SCN2A: variants seen among roughly 807,000 people sequenced by gnomAD.
SCN2A encodes sodium voltage-gated channel alpha subunit 2.
In SCN2A, 20 loss-of-function variants were observed where a neutral mutation model predicts 188.7. That is an observed-to-expected ratio of 0.11 (90% confidence interval 0.07 to 0.15). SCN2A has a LOEUF of 0.15. Ranked by LOEUF, SCN2A falls within the 10% of genes least tolerant of loss-of-function variation. The probability of loss-of-function intolerance (pLI) is 1.00; values close to 1 mark genes in which losing one functional copy is unlikely to be tolerated. For synonymous variants in SCN2A, 804 were observed against 833.1 expected, an observed-to-expected ratio of 0.97 and a Z score of 0.60; for missense variants, 1,278 against 2,445.0, an observed-to-expected ratio of 0.52 and a Z score of 10.07.
At chr2:165,354,783 C>A in intron 17 of SCN2A, 112 bp downstream of exon 17, 3 of 1,051,136 alleles carry the variant, frequency 2.9e-6, no homozygotes, top group Non-Finnish European at 4.2e-6. Context: ...TAGAAAATAT[C>A]TGTCTAGCAA....
At chr2:165,334,870 TACAC>T (rs143838903) in intron 14 of SCN2A, among the ~76,000 whole-genome samples, 1 of 148,408 alleles carries the variant, frequency 6.7e-6, no homozygotes, top group South Asian at 2.1e-4. Context: ...TCCTATAAAA[TACAC>T]ACACACACAC....
At chr2:165,241,379 G>A (rs1054281832) in intron 1 of SCN2A, among the ~76,000 whole-genome samples, 1 of 152,034 alleles carries the variant, frequency 6.6e-6, no homozygotes, top group African/African-American at 2.4e-5. Context: ...GATGTGGATG[G>A]CCACATGGCT....
chr2:165,243,805 TGAAGAAGGCACA>T (rs1214351058), intron 1 of SCN2A: 1 of 152,088 alleles, frequency 6.6e-6, no homozygotes, highest in Non-Finnish European at 1.5e-5. Context: ...TGGAAAGACT[TGAAGAAGGCACA>T]GGCGTTGGTG....
At chr2:165,364,215 G>C (rs1047804186) in intron 17 of SCN2A, among the ~76,000 whole-genome samples, 22 of 151,978 alleles carry the variant, frequency 1.4e-4, no homozygotes, top group Admixed American at 5.9e-4. Flanking sequence ...TAACAGGTCC[G>C]AGAATGCTGT....
At chr2:165,252,589 T>C (rs1051791800) in intron 1 of SCN2A, among the ~76,000 whole-genome samples, 22 of 151,808 alleles carry the variant, frequency 1.4e-4, no homozygotes, top group African/African-American at 5.3e-4. Flanking sequence ...TGGGAAATTC[T>C]TGCTGATTTT....
At chr2:165,361,271 A>C (rs1385426386) in intron 17 of SCN2A, among the ~76,000 whole-genome samples, 1 of 152,128 alleles carries the variant, frequency 6.6e-6, no homozygotes, top group South Asian at 2.1e-4. Flanking sequence ...TCTACATTAA[A>C]ATATGTTAAC....
At chr2:165,335,045 TAATAA>T (rs1698911610) in intron 14 of SCN2A, among the ~76,000 whole-genome samples, 2 of 151,712 alleles carry the variant, frequency 1.3e-5, no homozygotes, top group South Asian at 4.1e-4. Flanking sequence ...GGAATAAATT[TAATAA>T]AATAAGTGTG....
intron 2 of SCN2A, chr2:165,296,463 A>C: frequency 3.8e-6 from 1 of 261,076 alleles, no homozygotes; most frequent in Non-Finnish European, 7.5e-6. Context: ...TTTATTTTTT[A>C]TATTTGCAGG....
chr2:165,250,951 A>C (rs1694063561), intron 1 of SCN2A, among the ~76,000 whole-genome samples: 1 of 152,122 alleles, frequency 6.6e-6, no homozygotes, highest in Non-Finnish European at 1.5e-5. Flanking sequence ...AAATCTGCTT[A>C]TTATTAAAGA....
intron 14 of SCN2A, among the ~76,000 whole-genome samples, chr2:165,339,223 T>G (rs1320874143): frequency 7.6e-6 from 1 of 132,026 alleles, no homozygotes; most frequent in African/African-American, 3.0e-5. Context: ...AGTGAAACTC[T>G]GTCTCAAAAA....
intron 14 of SCN2A, among the ~76,000 whole-genome samples, chr2:165,338,946 C>T (rs576751380): frequency 6.6e-6 from 1 of 152,254 alleles, no homozygotes; most frequent in South Asian, 2.1e-4. Flanking sequence ...TCTAGCCGGG[C>T]GTGGAGGCTC....
intron 16 of SCN2A, 145 bp downstream of exon 16, chr2:165,345,056 GT>G: frequency 9.8e-7 from 1 of 1,022,542 alleles, no homozygotes. Flanking sequence ...GCCATGTATA[GT>G]TTAGACCATT....
chr2:165,379,107 C>T (rs140602250), intron 23 of SCN2A, among the ~76,000 whole-genome samples: 188 of 151,860 alleles, frequency 1.2e-3, no homozygotes, highest in African/African-American at 3.4e-3. Context: ...CTTTGAACAA[C>T]GTATCCTAAA....
At chr2:165,323,625 A>G (rs1283034724) in intron 12 of SCN2A, 125 bp downstream of exon 12, 5 of 890,880 alleles carry the variant, frequency 5.6e-6, no homozygotes, top group South Asian at 4.5e-5. Flanking sequence ...AGTTTGTTCA[A>G]TCAAGCTGTT....
In SCN2A at chr2:165,386,751, A is replaced by G. The variant is rs1574746483; in HGVS notation, c.4557A>G (p.Lys1519=). The G allele has an allele frequency of 1.9e-6, 3 of 1,613,300 alleles. No individual in the cohort carries two copies. Among genetic ancestry groups the G allele is most frequent in the Non-Finnish European group, 2.5e-6 (3 of 1,179,466 alleles). The change falls in exon 26 of 27, where the codon AAA becomes AAG. Residue 1519 remains lysine, a synonymous_variant. Transcript: ENST00000375437. ...TTACATATTATTTGTTCCAGAACAA[A>G]TTCCAAGGAATGGTCTTTGATTTTG... ...PQKPIPRPAN[K]FQGMVFDFVT...
intron 26 of SCN2A, among the ~76,000 whole-genome samples, chr2:165,388,158 A>G (rs545120747): frequency 1.3e-5 from 2 of 152,270 alleles, no homozygotes; most frequent in African/African-American, 4.8e-5. Context: ...TCCCAAGTAC[A>G]TCTGTCTCCA....
At chr2:165,267,305 A>C (rs1162272568) in intron 1 of SCN2A, 1 of 151,996 alleles carries the variant, frequency 6.6e-6, no homozygotes, top group Admixed American at 6.6e-5. Context: ...ATCAGCACAC[A>C]AATGGAACAG....
At chr2:165,290,974 A>G (rs1696070692) in intron 1 of SCN2A, among the ~76,000 whole-genome samples, 1 of 151,232 alleles carries the variant, frequency 6.6e-6, no homozygotes, top group African/African-American at 2.4e-5. Context: ...TATTCCAGTA[A>G]TAGTAACTCA....
chr2:165,284,105 G>A (rs1267837291), intron 1 of SCN2A, among the ~76,000 whole-genome samples: 1 of 151,560 alleles, frequency 6.6e-6, no homozygotes, highest in African/African-American at 2.4e-5. Context: ...CATACACACA[G>A]GCATGCATAC....
Sources: gnomAD v4.1 joint callset for allele counts (sites outside exome capture counted in the v4.1 genomes callset) on GRCh38, gnomAD v4.1.1 for gene constraint, MANE v1.5 for transcripts, NCBI Gene and HGNC (gene_info 2026-07-23, HGNC 2026-07-21) for gene names.